Variants in REV3L observed in about 807,000 individuals in gnomAD.
REV3L encodes the protein DNA polymerase zeta catalytic subunit.
In REV3L, 69 loss-of-function variants were observed where a neutral mutation model predicts 299.4. That is an observed-to-expected ratio of 0.23 (90% CI 0.19 to 0.28). The LOEUF (loss-of-function observed/expected upper bound fraction) is 0.28. Ranked by LOEUF, REV3L falls within the 10% of genes least tolerant of loss-of-function variation. REV3L has a pLI of 1.00. For missense variants in REV3L, 3,128 were observed against 3,693.8 expected (o/e 0.85, Z 3.97); for synonymous variants, 1,238 against 1,271.4 (o/e 0.97, Z 0.56).
chr6:111,342,340 G>C (rs568363975), intron 21 of REV3L, among the ~76,000 whole-genome samples: 2 of 152,230 alleles, frequency 1.3e-5, no homozygotes, highest in East Asian at 3.9e-4. Context: ...TGCCTCTGTG[G>C]GAAGAGCAGG....
chr6:111,374,109 T>C lies in REV3L; in HGVS notation c.4246A>G (p.Thr1416Ala). The change falls in exon 13 of 32, where the codon ACC (threonine) becomes GCC (alanine). Residue 1416 changes from threonine to alanine, a missense_variant. Thr to Ala is a moderately conservative substitution (Grantham distance 58). This residue lies in a region of REV3L where 2,409 missense variants were observed against 2,611.8 expected (regional missense o/e 0.92). Transcript: ENST00000368802. ...TCTTTGCAATGCAAAAAATTAGGGG[T>C]ATATGCTTGGTCCAGCTTTGATTCT... Reference protein sequence around the residue: ...SLESKLDQAYTPNFLHCKDSQ... With the variant: ...SLESKLDQAYAPNFLHCKDSQ... The C allele has an allele frequency of 6.2e-7, 1 of 1,614,108 alleles. No homozygotes were observed. The highest frequency in any genetic ancestry group is 8.5e-7 in the Non-Finnish European group (1 of 1,179,990).
Position 111,335,927 on chromosome 6 carries a change from AAATT to A in REV3L, c.7539-321_7539-318del, listed in dbSNP as rs544877434. On this transcript the variant is annotated intron_variant, in intron 21 of 31. Transcript: ENST00000368802. ...TTTTTTTTTCTATTCTTATTATAGA[AAATT>A]AACATTCTCCTTTAAGATACAGCTG... Among the ~76,000 whole-genome samples, 21 of 152,124 alleles carry A rather than the reference AAATT, an allele frequency of 1.4e-4. No homozygotes were observed. In the East Asian group the frequency reaches 3.9e-3, roughly 28 times the overall value.
intron 17 of REV3L, among the ~76,000 whole-genome samples, chr6:111,358,325 A>G (rs1231278873): frequency 3.3e-5 from 5 of 152,210 alleles, no homozygotes; most frequent in Non-Finnish European, 7.3e-5. Flanking sequence ...AAGACTGTGC[A>G]CCTAATCTAG....
In REV3L at chr6:111,483,206, A is replaced by AT; in HGVS notation, c.-319dup. Reference sequence around the variant, plus strand: ...CCAGGCTGCAGCTCTTGTTGCCATGATGATGATGTCACGGACGCAACCACT... The same window carrying AT: ...CCAGGCTGCAGCTCTTGTTGCCATGATTGATGATGTCACGGACGCAACCACT... On this transcript the variant is annotated 5_prime_UTR_variant, in exon 1 of 32. Coordinates refer to ENST00000368802, the MANE Select transcript of REV3L (RefSeq NM_001372078.1). 3 of 464,688 alleles carry AT rather than the reference A, an allele frequency of 6.5e-6. No individual in the cohort carries two copies. Among genetic ancestry groups the AT allele is most frequent in the Non-Finnish European group, 1.1e-5 (3 of 266,828 alleles). The allele number at this position is 464,688 out of a possible 1,614,324, so 28.8% of individuals were successfully genotyped here.
intron 20 of REV3L, among the ~76,000 whole-genome samples, chr6:111,346,404 A>G (rs1484975609): frequency 6.6e-6 from 1 of 152,226 alleles, no homozygotes; most frequent in Non-Finnish European, 1.5e-5. Context: ...GTCCATAAGG[A>G]AACTGCAGGA....
intron 21 of REV3L, among the ~76,000 whole-genome samples, chr6:111,338,186 T>C (rs1340832239): frequency 6.6e-6 from 1 of 152,152 alleles, no homozygotes; most frequent in Non-Finnish European, 1.5e-5. Context: ...GAATATTTCC[T>C]TGAAATCTGT....
chr6:111,313,529 C>A (rs202023396), intron 27 of REV3L, 40 bp from the exon 28 acceptor site: 517 of 1,554,358 alleles, frequency 3.3e-4, no homozygotes, highest in Admixed American at 1.8e-3. Flanking sequence ...AAAACCATTT[C>A]CCCCCACCAA....
chr6:111,368,176 T>C (rs1779418059), intron 13 of REV3L, 148 bp from the exon 14 acceptor site: 1 of 654,028 alleles, frequency 1.5e-6, no homozygotes. Flanking sequence ...GCAGGTACAT[T>C]CTATCTTTAG....
intron 1 of REV3L, among the ~76,000 whole-genome samples, chr6:111,426,630 A>C (rs908583084): frequency 1.4e-4 from 21 of 152,254 alleles, no homozygotes; most frequent in African/African-American, 4.8e-4. Flanking sequence ...TTTGATGATT[A>C]ATATGATTCT....
At position 111,363,943 on chromosome 6, in the gene REV3L, T is replaced by G; in HGVS notation, c.6789A>C (p.Glu2263Asp). Residue 2263 changes from glutamate to aspartate, a missense_variant, in exon 16 of 32, where the codon GAA (glutamate) becomes GAC (aspartate). Around this residue, in one of 9 missense-constraint regions of REV3L, gnomAD observed 2,409 missense variants for 2,611.8 expected, o/e 0.92. Coordinates refer to ENST00000368802, the MANE Select transcript of REV3L (RefSeq NM_001372078.1). Reference sequence around the variant, plus strand: ...AAGATGGTCCATCAATCTGAGAAGTTTCTTTCTGTGGGGTATTTACTGCTG... The same window carrying G: ...AAGATGGTCCATCAATCTGAGAAGTGTCTTTCTGTGGGGTATTTACTGCTG... ...QFAAVNTPQK[E>D]TSQIDGPSLN... is the part of the protein sequence containing the mutation. 14 of 1,613,422 alleles carry G rather than the reference T, an allele frequency of 8.7e-6. No individual in the cohort carries two copies. Among genetic ancestry groups the G allele is most frequent in the Non-Finnish European group, 1.2e-5 (14 of 1,179,696 alleles).
chr6:111,344,084 T>C, intron 20 of REV3L, 41 bp from the exon 21 acceptor site: 4 of 1,339,730 alleles, frequency 3.0e-6, no homozygotes, highest in South Asian at 1.3e-5. Flanking sequence ...AATGCTTACA[T>C]TTATGTAGCA....
At chr6:111,417,157 T>C (rs374869713) in intron 1 of REV3L, among the ~76,000 whole-genome samples, 1 of 152,088 alleles carries the variant, frequency 6.6e-6, no homozygotes, top group East Asian at 1.9e-4. Context: ...AGAAAACCAA[T>C]ATATCAGTCA....
At chr6:111,409,377 AGGTGAGTACTT>A (rs1177104497) in intron 3 of REV3L, among the ~76,000 whole-genome samples, 2 of 151,284 alleles carry the variant, frequency 1.3e-5, no homozygotes, top group Non-Finnish European at 1.5e-5. Flanking sequence ...TTTTTTTTAA[AGGTGAGTACTT>A]AGTGGTAGAA....
chr6:111,340,849 T>C (rs1776406732), intron 21 of REV3L, among the ~76,000 whole-genome samples: 1 of 151,994 alleles, frequency 6.6e-6, no homozygotes, highest in African/African-American at 2.4e-5. Context: ...TCTAAGTCCC[T>C]TCTGTACAAT....
chr6:111,311,211 G>A lies in REV3L; in HGVS notation c.8653C>T (p.Leu2885=), dbSNP rs1175987257. 2 of 1,612,248 alleles carry A rather than the reference G, an allele frequency of 1.2e-6. No individual in the cohort carries two copies. Among genetic ancestry groups the A allele is most frequent in the Non-Finnish European group, 1.7e-6 (2 of 1,179,186 alleles). The change falls in exon 29 of 32, where the codon CTA becomes TTA. Residue 2885 remains leucine (L), a synonymous_variant. Transcript: ENST00000368802. ...TGTCGCTGAACATACTGTTTAATTA[G>A]ACTTATATCTCTCGTTTCAAATAGC... ...KLLFETRDIS[L]IKQYVQRQCM... is the part of the protein sequence containing the mutation.
chr6:111,346,114 T>C (rs1475135870), intron 20 of REV3L, among the ~76,000 whole-genome samples: 1 of 152,142 alleles, frequency 6.6e-6, no homozygotes, highest in African/African-American at 2.4e-5. Context: ...TACCCATATA[T>C]TCCGCCTTCC....
intron 26 of REV3L, among the ~76,000 whole-genome samples, chr6:111,322,102 C>T (rs1177096306): frequency 6.6e-6 from 1 of 152,086 alleles, no homozygotes; most frequent in East Asian, 1.9e-4. Flanking sequence ...ACTGTATTTG[C>T]CTATATGCAC....
At chr6:111,338,380 T>A (rs1776149713) in intron 21 of REV3L, among the ~76,000 whole-genome samples, 1 of 143,368 alleles carries the variant, frequency 7.0e-6, no homozygotes, top group Non-Finnish European at 1.5e-5. Context: ...CCAATAGGTT[T>A]TTGTAATTCA....
chr6:111,334,867 A>G (rs908518333), intron 22 of REV3L, among the ~76,000 whole-genome samples: 8 of 152,208 alleles, frequency 5.3e-5, no homozygotes, highest in Non-Finnish European at 1.2e-4. Context: ...TTACAACGTT[A>G]AGGAATCTGA....
Sources: allele counts gnomAD v4.1 joint callset (sites outside exome capture counted in the v4.1 genomes callset), GRCh38; gene constraint gnomAD v4.1.1; regional missense constraint gnomAD v4.1.1; transcripts MANE v1.5; gene names NCBI Gene and HGNC (gene_info 2026-07-23, HGNC 2026-07-21).